The following RBMS1 variants were observed in gnomAD, a reference collection of about 807,000 sequenced individuals.
RBMS1 encodes the protein RNA-binding motif, single-stranded-interacting protein 1.
Under a neutral mutation model 62.3 loss-of-function variants are expected in RBMS1, and 17 were observed. That is an observed-to-expected ratio of 0.27 (90% CI 0.19 to 0.41). The LOEUF is 0.41. RBMS1 is among the 10% of genes least tolerant of loss of function. The probability of loss-of-function intolerance (pLI) is 1.00; values close to 1 mark genes in which losing one functional copy is unlikely to be tolerated. For missense variants in RBMS1, 334 were observed against 504.5 expected (o/e 0.66, Z 3.24); for synonymous variants, 172 against 170.0 (o/e 1.01, Z -0.09).
At position 160,300,639 on chromosome 2, in the gene RBMS1, C is replaced by T; in HGVS notation, c.640+12G>A. 1 of 1,584,498 alleles carries T rather than the reference C, an allele frequency of 6.3e-7. No homozygotes were observed. Among genetic ancestry groups the T allele is most frequent in the Non-Finnish European group, 8.6e-7 (1 of 1,168,682 alleles). On this transcript the variant is annotated intron_variant, in intron 6 of 13. Coordinates refer to ENST00000348849, the MANE Select transcript of RBMS1 (RefSeq NM_016836.4). Reference sequence around the variant, plus strand: ...AGAAGACTACTGATGAAGTTTCAGACAAACAACATACCAGAAACTCCTGGT... The same window carrying T: ...AGAAGACTACTGATGAAGTTTCAGATAAACAACATACCAGAAACTCCTGGT...
At chr2:160,455,396 T>C (rs1381336580) in intron 1 of RBMS1, among the ~76,000 whole-genome samples, 9 of 152,218 alleles carry the variant, frequency 5.9e-5, no homozygotes, top group Non-Finnish European at 1.3e-4. Context: ...CTTGTGACAT[T>C]TTGTTAAACC....
At chr2:160,391,012 G>A (rs1412690828) in intron 1 of RBMS1, among the ~76,000 whole-genome samples, 1 of 151,592 alleles carries the variant, frequency 6.6e-6, no homozygotes, top group African/African-American at 2.4e-5. Context: ...TTTATTTCAG[G>A]TCCAACAACG....
At chr2:160,365,622 A>G (rs1693354627) in intron 2 of RBMS1, among the ~76,000 whole-genome samples, 1 of 152,240 alleles carries the variant, frequency 6.6e-6, no homozygotes, top group Non-Finnish European at 1.5e-5. Flanking sequence ...TCTCCTTGAC[A>G]TCAAAACTCA....
intron 1 of RBMS1, among the ~76,000 whole-genome samples, chr2:160,420,824 C>A (rs1412084130): frequency 6.6e-6 from 1 of 152,176 alleles, no homozygotes; most frequent in Non-Finnish European, 1.5e-5. Flanking sequence ...CCTCAGTACC[C>A]CCTACAACTT....
chr2:160,300,322 C>T (rs1689142567), intron 6 of RBMS1, among the ~76,000 whole-genome samples: 1 of 152,082 alleles, frequency 6.6e-6, no homozygotes, highest in Non-Finnish European at 1.5e-5. Context: ...TAGAAAGGTA[C>T]CACAGTGCTC....
intron 1 of RBMS1, among the ~76,000 whole-genome samples, chr2:160,431,294 G>T (rs1316143878): frequency 1.3e-5 from 2 of 151,346 alleles, no homozygotes; most frequent in African/African-American, 4.9e-5. Flanking sequence ...GAAAGCTTTG[G>T]ATCCAGACCG....
chr2:160,298,798 A>G (rs561155292), intron 6 of RBMS1, among the ~76,000 whole-genome samples: 1 of 152,338 alleles, frequency 6.6e-6, no homozygotes, highest in South Asian at 2.1e-4. Context: ...AGTTAAAGTA[A>G]GATCATGGCG....
chr2:160,441,038 A>G (rs1559554394), intron 1 of RBMS1, among the ~76,000 whole-genome samples: 1 of 151,716 alleles, frequency 6.6e-6, no homozygotes, highest in Non-Finnish European at 1.5e-5. Context: ...TTTCCTGTCA[A>G]CTCCCTCTCC....
At chr2:160,293,500 T>C (rs1221068266) in intron 6 of RBMS1, among the ~76,000 whole-genome samples, 1 of 152,192 alleles carries the variant, frequency 6.6e-6, no homozygotes, top group African/African-American at 2.4e-5. Context: ...CTGTGAGCGA[T>C]GTGGCAGAAT....
intron 1 of RBMS1, among the ~76,000 whole-genome samples, chr2:160,453,656 T>C (rs1350886530): frequency 2.0e-5 from 3 of 152,156 alleles, no homozygotes; most frequent in African/African-American, 7.2e-5. Context: ...AACACAGATC[T>C]GCTCTCTCAT....
At chr2:160,387,155 C>T (rs2105202123) in intron 1 of RBMS1, among the ~76,000 whole-genome samples, 1 of 152,282 alleles carries the variant, frequency 6.6e-6, no homozygotes, top group East Asian at 1.9e-4. Context: ...TCCCCTCTAG[C>T]TGTTCAATAG....
At chr2:160,311,746 G>A (rs1316471619) in intron 4 of RBMS1, among the ~76,000 whole-genome samples, 1 of 151,468 alleles carries the variant, frequency 6.6e-6, no homozygotes, top group Non-Finnish European at 1.5e-5. Context: ...CTTTTAAAAA[G>A]AATACTCAAA....
At chr2:160,458,115 C>A (rs1002447279) in intron 1 of RBMS1, among the ~76,000 whole-genome samples, 1 of 151,918 alleles carries the variant, frequency 6.6e-6, no homozygotes, top group African/African-American at 2.4e-5. Flanking sequence ...AGGTCCTTGC[C>A]AGCACACCCA....
chr2:160,330,618 G>GTTTTT (rs71003488), intron 2 of RBMS1, among the ~76,000 whole-genome samples: 1 of 141,496 alleles, frequency 7.1e-6, no homozygotes, highest in Non-Finnish European at 1.5e-5. Flanking sequence ...ATGAAAATAT[G>GTTTTT]TTTTTTTTTT....
intron 12 of RBMS1, among the ~76,000 whole-genome samples, chr2:160,276,975 T>C (rs1437255931): frequency 6.6e-6 from 1 of 152,174 alleles, no homozygotes; most frequent in Admixed American, 6.5e-5. Context: ...ACTCCAGGGC[T>C]CAAGGGTTCT....
intron 4 of RBMS1, among the ~76,000 whole-genome samples, chr2:160,304,399 GTTTAT>G (rs748350069): frequency 2.6e-5 from 4 of 151,356 alleles, no homozygotes; most frequent in Non-Finnish European, 5.9e-5. Context: ...TCCTATCTAA[GTTTAT>G]TTTAATAGAG....
At chr2:160,426,587 G>A (rs1368158761) in intron 1 of RBMS1, among the ~76,000 whole-genome samples, 2 of 152,218 alleles carry the variant, frequency 1.3e-5, no homozygotes, top group African/African-American at 4.8e-5. Context: ...CTTATAAAAA[G>A]TGGATATAGA....
intron 1 of RBMS1, among the ~76,000 whole-genome samples, chr2:160,403,060 C>T (rs1695517663): frequency 6.6e-6 from 1 of 152,116 alleles, no homozygotes; most frequent in Non-Finnish European, 1.5e-5. Flanking sequence ...AACTATGGAA[C>T]ATGTAATGAG....
chr2:160,441,952 A>G (rs192782692), intron 1 of RBMS1, among the ~76,000 whole-genome samples: 81 of 152,316 alleles, frequency 5.3e-4, no homozygotes, highest in African/African-American at 1.7e-3. Flanking sequence ...AGCCATTCAT[A>G]TATCTTCTTT....
Sources: allele counts gnomAD v4.1 joint callset (sites outside exome capture counted in the v4.1 genomes callset), GRCh38; gene constraint gnomAD v4.1.1; transcripts MANE v1.5; gene names NCBI Gene and HGNC (gene_info 2026-07-23, HGNC 2026-07-21).